Variants in GALNT10 observed in about 807,000 individuals in gnomAD.
GALNT10 encodes GalNAc transferase 10.
In GALNT10, 41 loss-of-function variants were observed where a neutral mutation model predicts 75.0. The ratio of observed to expected loss-of-function variants is 0.55; its 90% CI spans 0.43 to 0.71. GALNT10 has a LOEUF of 0.71. Ranked by LOEUF, GALNT10 falls within the 30% of genes least tolerant of loss-of-function variation. The pLI is 0.00. For missense variants in GALNT10, 727 were observed against 818.5 expected, an observed-to-expected ratio of 0.89 and a Z score of 1.36; for synonymous variants, 302 against 313.0, an observed-to-expected ratio of 0.96 and a Z score of 0.37.
chr5:154,252,253 G>A (rs1278028828), intron 1 of GALNT10, among the ~76,000 whole-genome samples: 2 of 151,992 alleles, frequency 1.3e-5, no homozygotes, highest in Non-Finnish European at 2.9e-5. Flanking sequence ...AGTTCTACAG[G>A]TGAGTATATA....
intron 1 of GALNT10, among the ~76,000 whole-genome samples, chr5:154,291,231 C>A (rs754205163): frequency 7.2e-5 from 11 of 152,180 alleles, no homozygotes; most frequent in Admixed American, 1.3e-4. Context: ...CCCTGTACCC[C>A]ATTCCCAGTA....
intron 7 of GALNT10, among the ~76,000 whole-genome samples, chr5:154,401,394 A>C (rs1228433858): frequency 6.6e-6 from 1 of 152,246 alleles, no homozygotes; most frequent in Non-Finnish European, 1.5e-5. Context: ...TGAAAGGCAG[A>C]GGGCAGCCCA....
chr5:154,206,606 G>A (rs1775115144), intron 1 of GALNT10, among the ~76,000 whole-genome samples: 1 of 152,228 alleles, frequency 6.6e-6, no homozygotes, highest in African/African-American at 2.4e-5. Flanking sequence ...TTTTTAAGAT[G>A]GTCCTGAAGA....
At position 154,310,612 on chromosome 5, in the gene GALNT10, C is replaced by A. The variant is rs544933211; in HGVS notation, c.401+12533C>A. 2.0e-5 allele frequency among the ~76,000 whole-genome samples: 3 copies of A among 152,090 alleles called. No homozygotes were observed. In the South Asian group the frequency reaches 6.2e-4, roughly 32 times the overall value. On this transcript the variant is annotated intron_variant, in intron 3 of 11. Coordinates refer to ENST00000297107, the MANE Select transcript of GALNT10 (RefSeq NM_198321.4). ...CCTCCCAAGTAGCTGGGATTACAGGCGCATACCACCCACCACACCTGGCTA... is the reference window on the plus strand; with the variant it reads ...CCTCCCAAGTAGCTGGGATTACAGGAGCATACCACCCACCACACCTGGCTA...
At chr5:154,255,792 T>A (rs1237957375) in intron 1 of GALNT10, among the ~76,000 whole-genome samples, 1 of 152,012 alleles carries the variant, frequency 6.6e-6, no homozygotes. Flanking sequence ...GTAGGCCTTG[T>A]CAGTATCACA....
chr5:154,239,418 G>A (rs1753297790), intron 1 of GALNT10, among the ~76,000 whole-genome samples: 1 of 152,204 alleles, frequency 6.6e-6, no homozygotes, highest in East Asian at 1.9e-4. Context: ...AGCAAGTGAA[G>A]CTGAGCTCCG....
rs1754734510 is a variant in GALNT10 at position 154,324,942 on chromosome 5, A to G, written c.402-4630A>G. Among the ~76,000 whole-genome samples, 3 of 152,184 alleles carry G rather than the reference A, an allele frequency of 2.0e-5. No homozygotes were observed. In the South Asian group the frequency reaches 6.2e-4, roughly 32 times the overall value. ...GAAAGAAAAAATGCAAGGATCAACC[A>G]TAAAATAAAATGGAGTCCTAGAAGG... On this transcript the variant is annotated intron_variant, in intron 3 of 11. Transcript: ENST00000297107.
intron 1 of GALNT10, among the ~76,000 whole-genome samples, chr5:154,258,520 G>A (rs1318859525): frequency 6.6e-6 from 1 of 152,182 alleles, no homozygotes; most frequent in East Asian, 1.9e-4. Context: ...CTCACACTGG[G>A]AAGAGATTGG....
chr5:154,197,198 T>G (rs988083755), intron 1 of GALNT10, among the ~76,000 whole-genome samples: 4 of 152,200 alleles, frequency 2.6e-5, no homozygotes, highest in Non-Finnish European at 5.9e-5. Context: ...GAAAGCTGTC[T>G]TTATTGAATC....
chr5:154,323,006 A>G (rs548841568), intron 3 of GALNT10, among the ~76,000 whole-genome samples: 15 of 152,354 alleles, frequency 9.8e-5, no homozygotes, highest in African/African-American at 3.1e-4. Context: ...TGGAGCTTAC[A>G]TTCTAGGGAA....
chr5:154,386,565 A>T (rs1360279555), intron 7 of GALNT10, 135 bp downstream of exon 7: 2 of 488,828 alleles, frequency 4.1e-6, no homozygotes, highest in African/African-American at 2.1e-5. Context: ...CCATCAGGTG[A>T]AGAAGACAGG....
At chr5:154,294,657 A>G (rs993896753) in intron 1 of GALNT10, among the ~76,000 whole-genome samples, 159 bp from the exon 2 acceptor site, 1 of 152,204 alleles carries the variant, frequency 6.6e-6, no homozygotes, top group Non-Finnish European at 1.5e-5. Flanking sequence ...TAGCTGGCAC[A>G]TGGCAAGGCA....
rs961115332 is a variant in GALNT10 at position 154,385,694 on chromosome 5, C to G, written c.939-619C>G. On this transcript the variant is annotated intron_variant, in intron 6 of 11. Coordinates refer to ENST00000297107, the MANE Select transcript of GALNT10 (RefSeq NM_198321.4). ...ACAACTGGCATGGGATGAACAAACT[C>G]ATTAGAGAATGAATGAATGGAGTTA... 3.3e-5 allele frequency among the ~76,000 whole-genome samples: 5 copies of G among 152,184 alleles called. No homozygotes were observed. The South Asian group carries it at 1.0e-3, about 32-fold the overall frequency.
chr5:154,371,563 T>C (rs759251551), intron 4 of GALNT10, among the ~76,000 whole-genome samples: 2 of 50,970 alleles, frequency 3.9e-5, no homozygotes, highest in Non-Finnish European at 1.1e-4. Flanking sequence ...TGTGTGTGTG[T>C]ACACACACAC....
chr5:154,231,790 C>G (rs571523671), intron 1 of GALNT10, among the ~76,000 whole-genome samples: 1 of 152,328 alleles, frequency 6.6e-6, no homozygotes, highest in East Asian at 1.9e-4. Context: ...ACATCTCTAC[C>G]TCTATGTGCC....
Position 154,404,725 on chromosome 5 carries a change from GGTGGT to G in GALNT10, c.1164+528_1164+532del, listed in dbSNP as rs1756238615. 2.6e-5 allele frequency among the ~76,000 whole-genome samples: 4 copies of G among 152,190 alleles called. No individual in the cohort carries two copies. In the South Asian group the frequency reaches 8.3e-4, roughly 32 times the overall value. ...AACATGTTAGATAAATATTAATACA[GGTGGT>G]GTGGTGTGGTGTGTTTGGGAAAGCT... is the stretch of plus-strand genomic sequence containing the variant. On this transcript the variant is annotated intron_variant, in intron 8 of 11. Transcript: ENST00000297107.
intron 1 of GALNT10, among the ~76,000 whole-genome samples, chr5:154,249,927 G>T (rs1753488599): frequency 6.6e-6 from 1 of 152,136 alleles, no homozygotes; most frequent in Admixed American, 6.5e-5. Context: ...CACACTCTAG[G>T]CATGAGCAGC....
At chr5:154,403,078 C>T (rs893693115) in intron 7 of GALNT10, among the ~76,000 whole-genome samples, 4 of 152,232 alleles carry the variant, frequency 2.6e-5, no homozygotes, top group Non-Finnish European at 5.9e-5. Context: ...CACAATATCT[C>T]ATCTTCCAGT....
rs377131943 is a variant in GALNT10 at position 154,217,041 on chromosome 5, A to T, written c.159+26016A>T. ...TTTACCTCCTATTCAATTGTTTCCT[A>T]TGTGCTTAGAGATTTGTTGAGCCAT... On this transcript the variant is annotated intron_variant, in intron 1 of 11. Coordinates refer to ENST00000297107, the MANE Select transcript of GALNT10 (RefSeq NM_198321.4). Among the ~76,000 whole-genome samples the T allele has an allele frequency of 5.9e-5, 9 of 152,196 alleles. No homozygotes were observed. In the East Asian group the frequency reaches 1.7e-3, roughly 29 times the overall value.
Sources: gnomAD v4.1 joint callset for allele counts (sites outside exome capture counted in the v4.1 genomes callset) on GRCh38, gnomAD v4.1.1 for gene constraint, MANE v1.5 for transcripts, NCBI Gene and HGNC (gene_info 2026-07-23, HGNC 2026-07-21) for gene names.